NF1: variants seen among roughly 807,000 people sequenced by gnomAD.
NF1 encodes the protein neurofibromin 1.
A neutral mutation model predicts 325.7 loss-of-function variants in NF1; 122 were observed. The ratio of observed to expected loss-of-function variants is 0.37; its 90% CI spans 0.32 to 0.44. The LOEUF (loss-of-function observed/expected upper bound fraction) is 0.44. Ranked by LOEUF, NF1 falls within the 20% of genes least tolerant of loss-of-function variation. The pLI is 1.00. For missense variants in NF1, 2,140 were observed against 3,415.4 expected, an observed-to-expected ratio of 0.63 and a Z score of 9.31; for synonymous variants, 1,091 against 1,186.0, an observed-to-expected ratio of 0.92 and a Z score of 1.65.
Position 31,223,430 on chromosome 17 carries a change from T to C in NF1, c.1722-14T>C. 1 of 1,610,412 alleles carries C rather than the reference T, an allele frequency of 6.2e-7. No individual in the cohort carries two copies. Among genetic ancestry groups the C allele is most frequent in the Non-Finnish European group, 8.5e-7 (1 of 1,178,258 alleles). On this transcript the variant is annotated splice_polypyrimidine_tract_variant and intron_variant, in intron 15 of 57. Coordinates refer to ENST00000358273, the MANE Select transcript of NF1 (RefSeq NM_001042492.3). The stretch of plus-strand genomic sequence containing the variant: ...TTGATGATGCTAGTAACAATGAACT[T>C]TATGTTACTGCAGCTCACAAATGCT...
chr17:31,320,650 A>G (rs1215382034), intron 36 of NF1: 2 of 437,338 alleles, frequency 4.6e-6, no homozygotes, highest in Non-Finnish European at 8.2e-6. Context: ...TAAATATTCC[A>G]GGATTAAGAT....
At chr17:31,275,689 T>G (rs1038046600) in intron 36 of NF1, among the ~76,000 whole-genome samples, 2 of 152,188 alleles carry the variant, frequency 1.3e-5, no homozygotes, top group Non-Finnish European at 2.9e-5. Flanking sequence ...TTGTGTTGTT[T>G]CTTCAAGCTC....
intron 36 of NF1, among the ~76,000 whole-genome samples, chr17:31,309,330 TAC>T (rs1343079877): frequency 6.6e-6 from 1 of 152,238 alleles, no homozygotes; most frequent in Non-Finnish European, 1.5e-5. Context: ...CTAGTACTTC[TAC>T]CAGAAAATAA....
At chr17:31,154,732 CTTTTTT>C (rs71142026) in intron 1 of NF1, among the ~76,000 whole-genome samples, 63 of 103,406 alleles carry the variant, frequency 6.1e-4, no homozygotes, top group South Asian at 1.5e-3. Flanking sequence ...TTAGTATTTC[CTTTTTT>C]TTTTTTTTTT....
chr17:31,346,197 C>T, intron 48 of NF1: 1 of 1,611,166 alleles, frequency 6.2e-7, no homozygotes, highest in East Asian at 2.2e-5. Flanking sequence ...TTGACCCTGC[C>T]CAATGGAAGA....
At chr17:31,145,387 T>G (rs574019693) in intron 1 of NF1, among the ~76,000 whole-genome samples, 2 of 152,264 alleles carry the variant, frequency 1.3e-5, no homozygotes, top group Non-Finnish European at 1.5e-5. Flanking sequence ...TTCACGAGGT[T>G]TCCCCATTTG....
intron 48 of NF1, chr17:31,346,160 C>A (rs1212778421): frequency 6.2e-7 from 1 of 1,611,306 alleles, no homozygotes; most frequent in African/African-American, 1.3e-5. Flanking sequence ...CAAACAAGAT[C>A]ACACCTATTC....
At chr17:31,225,382 C>T in intron 17 of NF1, 132 bp downstream of exon 17, 3 of 1,005,072 alleles carry the variant, frequency 3.0e-6, no homozygotes, top group Non-Finnish European at 4.5e-6. Flanking sequence ...TCTATTACTG[C>T]TCTTTGTGGA....
At chr17:31,297,577 C>A (rs1029928595) in intron 36 of NF1, 1 of 152,010 alleles carries the variant, frequency 6.6e-6, no homozygotes, top group Non-Finnish European at 1.5e-5. Flanking sequence ...ACTCTTTATC[C>A]TTTTTACATG....
At chr17:31,095,870 TC>T (rs1207162440) in intron 1 of NF1, among the ~76,000 whole-genome samples, 3 of 151,766 alleles carry the variant, frequency 2.0e-5, no homozygotes, top group African/African-American at 7.3e-5. Context: ...ATTCCGCCCC[TC>T]CCCCAGTTTC....
chr17:31,296,000 A>G lies in NF1; in HGVS notation c.4836-29820A>G, dbSNP rs777247689. The G allele has an allele frequency of 2.5e-6, 4 of 1,614,144 alleles. No homozygotes were observed. In the South Asian group the frequency reaches 4.4e-5, roughly 18 times the overall value. On this transcript the variant is annotated intron_variant, in intron 36 of 57. Transcript: ENST00000358273. The stretch of plus-strand genomic sequence containing the variant: ...AGTATCAGATTTGTCAAGAAGTTTA[A>G]TGTTGTTGTTAGCAGCAGACATGTT...
chr17:31,228,431 G>A (rs1369835242), intron 20 of NF1, among the ~76,000 whole-genome samples: 2 of 152,038 alleles, frequency 1.3e-5, no homozygotes, highest in Admixed American at 6.6e-5. Flanking sequence ...CTTTTGGGGG[G>A]ATAACTGTTT....
At chr17:31,370,446 C>A (rs1395037558) in intron 57 of NF1, among the ~76,000 whole-genome samples, 1 of 152,022 alleles carries the variant, frequency 6.6e-6, no homozygotes, top group Non-Finnish European at 1.5e-5. Context: ...TACTTGAGGT[C>A]ATAGTATGTG....
intron 4 of NF1, among the ~76,000 whole-genome samples, chr17:31,168,851 G>C (rs909753771): frequency 6.6e-6 from 1 of 151,910 alleles, no homozygotes; most frequent in Non-Finnish European, 1.5e-5. Context: ...CACTTCATTG[G>C]GGGCTGCAAA....
At chr17:31,262,495 G>A (rs2067702797) in intron 35 of NF1, among the ~76,000 whole-genome samples, 2 of 152,162 alleles carry the variant, frequency 1.3e-5, no homozygotes, top group South Asian at 2.1e-4. Context: ...TTTATGCTTA[G>A]TAAGTGCTCC....
chr17:31,180,342 C>T (rs1597656778), intron 5 of NF1, among the ~76,000 whole-genome samples: 1 of 152,170 alleles, frequency 6.6e-6, no homozygotes, highest in Non-Finnish European at 1.5e-5. Context: ...CAAAAATCCT[C>T]AATAAAATAA....
chr17:31,288,522 GTTTTTT>G (rs200926157), intron 36 of NF1, among the ~76,000 whole-genome samples: 3 of 119,666 alleles, frequency 2.5e-5, no homozygotes, highest in Non-Finnish European at 5.6e-5. Flanking sequence ...TTTTTGCTTT[GTTTTTT>G]TTTTTTTTTT....
rs2151572859 is a variant in NF1 at position 31,349,223 on chromosome 17, G to C, written c.7293G>C (p.Val2431=). The C allele has an allele frequency of 6.2e-7, 1 of 1,613,362 alleles. No homozygotes were observed. Among genetic ancestry groups the C allele is most frequent in the African/African-American group, 1.3e-5 (1 of 75,030 alleles). The part of the protein sequence containing the change: ...NKHRNCDKFE[V]NTQSVAYLAA... Reference sequence around the variant, plus strand: ...ACAGAAATTGTGACAAATTTGAAGTGAATACACAGAGCGTGGCCTACTTAG... The same window carrying C: ...ACAGAAATTGTGACAAATTTGAAGTCAATACACAGAGCGTGGCCTACTTAG... Residue 2431 remains valine, a synonymous_variant, in exon 49 of 58, where the codon GTG becomes GTC. Coordinates refer to ENST00000358273, the MANE Select transcript of NF1 (RefSeq NM_001042492.3).
intron 1 of NF1, among the ~76,000 whole-genome samples, 163 bp from the exon 2 acceptor site, chr17:31,155,818 CAT>C (rs751102981): frequency 3.3e-5 from 5 of 152,058 alleles, no homozygotes; most frequent in Non-Finnish European, 5.9e-5. Context: ...ATCTGTGTAT[CAT>C]ATATTGGAGG....
Sources: allele counts gnomAD v4.1 joint callset (sites outside exome capture counted in the v4.1 genomes callset), GRCh38; gene constraint gnomAD v4.1.1; transcripts MANE v1.5; gene names NCBI Gene and HGNC (gene_info 2026-07-23, HGNC 2026-07-21).